TTC39B: variants seen among roughly 807,000 people sequenced by gnomAD.
The protein encoded by TTC39B is tetratricopeptide repeat protein 39B.
TTC39B carries 92 observed loss-of-function variants against 96.6 expected under a neutral mutation model. The observed-to-expected ratio is 0.95, with a 90% CI of 0.80 to 1.13. The LOEUF (loss-of-function observed/expected upper bound fraction) is 1.13, where lower values mean the gene tolerates loss of function less well. Ranked by LOEUF, TTC39B falls within the 50% of genes most tolerant of loss-of-function variation. The pLI is 0.00. For synonymous variants in TTC39B, 367 were observed against 299.4 expected (o/e 1.23, Z -2.33); for missense variants, 955 against 809.3 (o/e 1.18, Z -2.18).
At chr9:15,190,373 G>A (rs962547545) in intron 11 of TTC39B, among the ~76,000 whole-genome samples, 181 bp downstream of exon 11, 9 of 151,824 alleles carry the variant, frequency 5.9e-5, no homozygotes, top group Admixed American at 1.3e-4. Context: ...ACAGGATCTC[G>A]CTCTGTGGCC....
At chr9:15,256,183 C>CT (rs967373970) in intron 2 of TTC39B, among the ~76,000 whole-genome samples, 20 of 149,384 alleles carry the variant, frequency 1.3e-4, no homozygotes, top group Middle Eastern at 3.5e-3. Flanking sequence ...TTTCCTTCTT[C>CT]TTTTTTTTTT....
chr9:15,244,536 A>C (rs1057501662), intron 2 of TTC39B, among the ~76,000 whole-genome samples: 3 of 152,250 alleles, frequency 2.0e-5, no homozygotes, highest in Non-Finnish European at 4.4e-5. Flanking sequence ...TTTTAAACTG[A>C]AACATCACAT....
chr9:15,259,122 T>A (rs1822857335), intron 2 of TTC39B, among the ~76,000 whole-genome samples: 1 of 152,208 alleles, frequency 6.6e-6, no homozygotes, highest in African/African-American at 2.4e-5. Flanking sequence ...AAAGAACTTT[T>A]ATTTCCATTT....
At position 15,235,048 on chromosome 9, in the gene TTC39B, A is replaced by AAAAAC. The variant is rs140204726; in HGVS notation, c.276-9041_276-9037dup. On this transcript the variant is annotated intron_variant, in intron 2 of 19. Transcript: ENST00000512701. ...CAATAAATAAATAAATAAATAAAAC[A>AAAAAC]AAAACAAAACAAAACAAAACAAAAA... Among the ~76,000 whole-genome samples, 12 of 151,290 alleles carry AAAAAC rather than the reference A, an allele frequency of 7.9e-5. No individual in the cohort carries two copies. In the East Asian group the frequency reaches 1.5e-3, roughly 19 times the overall value.
chr9:15,238,128 C>A (rs1821873272), intron 2 of TTC39B, among the ~76,000 whole-genome samples: 1 of 152,026 alleles, frequency 6.6e-6, no homozygotes, highest in Non-Finnish European at 1.5e-5. Flanking sequence ...ATAATAAGAG[C>A]CATATATGAC....
intron 8 of TTC39B, among the ~76,000 whole-genome samples, chr9:15,192,948 T>C (rs139016176): frequency 7.9e-4 from 121 of 152,298 alleles, no homozygotes; most frequent in Non-Finnish European, 1.5e-3. Flanking sequence ...GGTTCATCCA[T>C]TGGCAAGCAC....
chr9:15,234,550 C>T (rs185912857), intron 2 of TTC39B, among the ~76,000 whole-genome samples: 3,459 of 152,060 alleles, frequency 0.023, 133 homozygotes, highest in African/African-American at 0.079. Context: ...TCATTGAGAA[C>T]GGGCCATGAT....
chr9:15,306,987 G>A lies in TTC39B; in HGVS notation c.240+97C>T, dbSNP rs1824772787. ...CCCACCCCAGAGAGGGGACCAAGGG[G>A]GCGGGGCCTCGGCCGTCCTAGCCGG... On this transcript the variant is annotated intron_variant, in intron 1 of 19. Transcript: ENST00000512701. The surrounding 1 kb of genome is among the most constrained non-coding windows in gnomAD (Gnocchi z 5.1). The A allele has an allele frequency of 3.3e-6, 5 of 1,525,848 alleles. No individual in the cohort carries two copies. In the Admixed American group the frequency reaches 8.5e-5, roughly 26 times the overall value. 94.5% of individuals were successfully genotyped at this position (1,525,848 alleles called of 1,614,324 possible). A position where few individuals can be genotyped will look rare whatever the true frequency, so the allele number is the denominator to read the frequency against.
intron 2 of TTC39B, among the ~76,000 whole-genome samples, chr9:15,231,916 T>C (rs1326354267): frequency 6.6e-6 from 1 of 152,158 alleles, no homozygotes; most frequent in Non-Finnish European, 1.5e-5. Context: ...CGAAATGGTA[T>C]CCATCAAGCC....
At chr9:15,195,189 G>A (rs547343094) in intron 8 of TTC39B, among the ~76,000 whole-genome samples, 1 of 152,278 alleles carries the variant, frequency 6.6e-6, no homozygotes, top group South Asian at 2.1e-4. Context: ...TGCTGATATG[G>A]AGAAAGCTGT....
At chr9:15,253,497 G>A (rs1478373436) in intron 2 of TTC39B, among the ~76,000 whole-genome samples, 2 of 152,194 alleles carry the variant, frequency 1.3e-5, no homozygotes, top group African/African-American at 2.4e-5. Context: ...TTGACCTAGT[G>A]AAACCCACTT....
chr9:15,198,655 T>A lies in TTC39B; in HGVS notation c.824+1206A>T, dbSNP rs533577255. 3.1e-3 allele frequency among the ~76,000 whole-genome samples: 475 copies of A among 151,256 alleles called. 2 individuals carry two copies. Among genetic ancestry groups the A allele is most frequent in the African/African-American group, 0.011 (447 of 41,238 alleles). ...AGACTACAGCTAAGAGAACAACAGTTCTAAAAATGTTATTAAAGCAAAAGA... is the reference window on the plus strand; with the variant it reads ...AGACTACAGCTAAGAGAACAACAGTACTAAAAATGTTATTAAAGCAAAAGA... On this transcript the variant is annotated intron_variant, in intron 8 of 19. Coordinates refer to ENST00000512701, the Ensembl canonical transcript of TTC39B.
intron 2 of TTC39B, among the ~76,000 whole-genome samples, chr9:15,234,081 C>T (rs529194162): frequency 5.1e-4 from 76 of 149,652 alleles, no homozygotes; most frequent in African/African-American, 1.8e-3. Context: ...TCTGCCCGGC[C>T]GCGACCCCAT....
At chr9:15,294,214 GAA>G (rs35270563) in intron 1 of TTC39B, among the ~76,000 whole-genome samples, 28 of 151,468 alleles carry the variant, frequency 1.8e-4, no homozygotes, top group African/African-American at 2.7e-4. Context: ...CTAGCAGCTG[GAA>G]AAAAAAAAAG....
At chr9:15,288,192 G>A (rs1824049718) in intron 1 of TTC39B, among the ~76,000 whole-genome samples, 1 of 152,052 alleles carries the variant, frequency 6.6e-6, no homozygotes, top group South Asian at 2.1e-4. Context: ...CATATGATAT[G>A]GACAGGAGAC....
intron 3 of TTC39B, among the ~76,000 whole-genome samples, 197 bp from the exon 4 acceptor site, chr9:15,214,446 G>T (rs1236833728): frequency 1.3e-5 from 2 of 151,868 alleles, no homozygotes; most frequent in Non-Finnish European, 2.9e-5. Context: ...GGAAAACCAT[G>T]CACTGTTGAG....
chr9:15,276,887 T>C (rs1488411435), intron 1 of TTC39B, among the ~76,000 whole-genome samples: 1 of 152,178 alleles, frequency 6.6e-6, no homozygotes, highest in Non-Finnish European at 1.5e-5. Flanking sequence ...TCACAGGATA[T>C]TAAATTCTCA....
intron 18 of TTC39B, among the ~76,000 whole-genome samples, chr9:15,176,188 A>G (rs1375359271): frequency 6.6e-6 from 1 of 152,246 alleles, no homozygotes; most frequent in East Asian, 1.9e-4. Context: ...TCTTCAGTAT[A>G]GCCTCATGGG....
chr9:15,222,284 G>A (rs545095660), intron 3 of TTC39B, among the ~76,000 whole-genome samples: 9 of 151,964 alleles, frequency 5.9e-5, no homozygotes, highest in South Asian at 2.1e-4. Flanking sequence ...TTTAAATTGT[G>A]GTAAAATACA....
Sources: gnomAD v4.1 joint callset for allele counts (sites outside exome capture counted in the v4.1 genomes callset) on GRCh38, gnomAD v4.1.1 for gene constraint, Gnocchi (gnomAD v3.1) non-coding constraint, MANE v1.5 for transcripts, NCBI Gene and HGNC (gene_info 2026-07-23, HGNC 2026-07-21) for gene names.